Variants in NXPH1 observed in about 807,000 individuals in gnomAD.
NXPH1 encodes neurexophilin-1.
A neutral mutation model predicts 23.7 loss-of-function variants in NXPH1; 5 were observed. That is an observed-to-expected ratio of 0.21 (90% CI 0.11 to 0.44). NXPH1 has a LOEUF of 0.44. Ranked by LOEUF, NXPH1 falls within the 20% of genes least tolerant of loss-of-function variation. NXPH1 has a pLI of 0.99. For synonymous variants in NXPH1, 144 were observed against 122.2 expected (o/e 1.18, Z -1.18); for missense variants, 324 against 321.6 (o/e 1.01, Z -0.06).
intron 2 of NXPH1, among the ~76,000 whole-genome samples, chr7:8,717,406 T>C (rs1779894990): frequency 6.6e-6 from 1 of 152,152 alleles, no homozygotes; most frequent in African/African-American, 2.4e-5. Context: ...CTGACTGATC[T>C]TTAGTGAGTC....
chr7:8,584,077 T>G (rs975915301), intron 2 of NXPH1, among the ~76,000 whole-genome samples: 1 of 152,354 alleles, frequency 6.6e-6, no homozygotes, highest in Admixed American at 6.5e-5. Flanking sequence ...CTGTGTACTT[T>G]ACAGATATTA....
intron 2 of NXPH1, among the ~76,000 whole-genome samples, chr7:8,641,529 C>T (rs1033731348): frequency 2.0e-5 from 3 of 152,122 alleles, no homozygotes; most frequent in Non-Finnish European, 4.4e-5. Context: ...CCAATTCCCA[C>T]CCCCAGAGAC....
chr7:8,547,424 A>G (rs551099345), intron 2 of NXPH1, among the ~76,000 whole-genome samples: 2 of 151,556 alleles, frequency 1.3e-5, no homozygotes, highest in East Asian at 3.9e-4. Flanking sequence ...TCAGTAATAG[A>G]AACAGCACAA....
At chr7:8,746,645 G>A (rs1005777504) in intron 2 of NXPH1, among the ~76,000 whole-genome samples, 1 of 152,074 alleles carries the variant, frequency 6.6e-6, no homozygotes, top group Non-Finnish European at 1.5e-5. Context: ...ATATATTGAT[G>A]CTATCCTTAA....
intron 2 of NXPH1, among the ~76,000 whole-genome samples, chr7:8,593,451 C>T (rs76164268): frequency 0.013 from 1,903 of 151,984 alleles, 67 homozygotes; most frequent in East Asian, 0.077. Flanking sequence ...TTTTCAAATG[C>T]AAATCTTGTA....
intron 2 of NXPH1, among the ~76,000 whole-genome samples, chr7:8,598,770 T>C (rs896046399): frequency 1.3e-5 from 2 of 152,260 alleles, no homozygotes; most frequent in Admixed American, 6.5e-5. Context: ...GAAACAAATA[T>C]CAGTGCTTTT....
intron 2 of NXPH1, among the ~76,000 whole-genome samples, chr7:8,522,987 T>C (rs1456908278): frequency 6.6e-6 from 1 of 152,206 alleles, no homozygotes; most frequent in Non-Finnish European, 1.5e-5. Context: ...CTGTGTAACT[T>C]TGGGCAAATA....
At chr7:8,523,562 A>T (rs1817810846) in intron 2 of NXPH1, among the ~76,000 whole-genome samples, 1 of 152,238 alleles carries the variant, frequency 6.6e-6, no homozygotes, top group Non-Finnish European at 1.5e-5. Flanking sequence ...AAAGAATAGG[A>T]TTCTAAGGAT....
chr7:8,712,565 G>C (rs1412956456), intron 2 of NXPH1, among the ~76,000 whole-genome samples: 1 of 152,072 alleles, frequency 6.6e-6, no homozygotes, highest in Non-Finnish European at 1.5e-5. Flanking sequence ...ATGAGAAAAA[G>C]AAAAAGCACA....
chr7:8,472,495 T>G (rs999670916), intron 2 of NXPH1, among the ~76,000 whole-genome samples: 2 of 152,268 alleles, frequency 1.3e-5, no homozygotes, highest in East Asian at 3.9e-4. Flanking sequence ...TATGAGACCC[T>G]GTGTGAGGCT....
chr7:8,493,619 G>T (rs1201254976), intron 2 of NXPH1, among the ~76,000 whole-genome samples: 2 of 152,044 alleles, frequency 1.3e-5, no homozygotes. Flanking sequence ...TGGAGTAAAT[G>T]TCCACTTACG....
intron 2 of NXPH1, among the ~76,000 whole-genome samples, chr7:8,650,535 G>A (rs1820474541): frequency 6.6e-6 from 1 of 152,200 alleles, no homozygotes; most frequent in Admixed American, 6.5e-5. Context: ...ACCAAAGGCT[G>A]CCTAATCCTA....
intron 2 of NXPH1, among the ~76,000 whole-genome samples, chr7:8,639,842 C>T (rs946938727): frequency 6.6e-6 from 1 of 152,174 alleles, no homozygotes; most frequent in Non-Finnish European, 1.5e-5. Flanking sequence ...TAAGAAGTGC[C>T]TTTCGCCTTC....
chr7:8,515,555 C>G (rs1441479765), intron 2 of NXPH1, among the ~76,000 whole-genome samples: 1 of 150,150 alleles, frequency 6.7e-6, no homozygotes, highest in African/African-American at 2.5e-5. Flanking sequence ...CTGATTATCA[C>G]AGAGAGGAAG....
At chr7:8,490,411 T>G (rs1817229420) in intron 2 of NXPH1, among the ~76,000 whole-genome samples, 1 of 118,558 alleles carries the variant, frequency 8.4e-6, no homozygotes, top group East Asian at 2.0e-4. Flanking sequence ...ACACAGGCTG[T>G]TTTTTTTTTT....
intron 2 of NXPH1, among the ~76,000 whole-genome samples, chr7:8,619,306 T>C (rs1819813428): frequency 6.6e-6 from 1 of 152,176 alleles, no homozygotes; most frequent in Non-Finnish European, 1.5e-5. Context: ...TTCTATTACC[T>C]CCAGTTAACT....
At chr7:8,682,306 T>G (rs1163501183) in intron 2 of NXPH1, among the ~76,000 whole-genome samples, 1 of 152,212 alleles carries the variant, frequency 6.6e-6, no homozygotes, top group African/African-American at 2.4e-5. Context: ...CCCAGGAAGA[T>G]GCATTCTGAC....
In NXPH1 at chr7:8,459,859, C is replaced by A. The variant is rs1317134241; in HGVS notation, c.54+24092C>A. Among the ~76,000 whole-genome samples, 12 of 152,104 alleles carry A rather than the reference C, an allele frequency of 7.9e-5. No individual in the cohort carries two copies. In the South Asian group the frequency reaches 2.1e-3, roughly 26 times the overall value. On this transcript the variant is annotated intron_variant, in intron 2 of 2. Transcript: ENST00000405863. ...TAAATATTTGTTGCACGAATGAATT[C>A]GTGAATGAACATTGCAGGGCTGAAG...
chr7:8,450,051 C>G (rs763757182), intron 2 of NXPH1, among the ~76,000 whole-genome samples: 1 of 152,144 alleles, frequency 6.6e-6, no homozygotes, highest in Non-Finnish European at 1.5e-5. Flanking sequence ...AGGTAAGAAG[C>G]GAGACTGGGA....
Sources: allele counts gnomAD v4.1 joint callset (sites outside exome capture counted in the v4.1 genomes callset), GRCh38; gene constraint gnomAD v4.1.1; transcripts MANE v1.5; gene names NCBI Gene and HGNC (gene_info 2026-07-23, HGNC 2026-07-21).